TBC1D22A: variants seen among roughly 807,000 people sequenced by gnomAD.
TBC1D22A encodes putative GTPase activator.
In TBC1D22A, 38 loss-of-function variants were observed where a neutral mutation model predicts 60.2. The observed-to-expected ratio is 0.63, with a 90% confidence interval of 0.49 to 0.83. TBC1D22A has a LOEUF of 0.83. TBC1D22A is among the 40% of genes least tolerant of loss of function. TBC1D22A has a pLI of 0.00. For missense variants in TBC1D22A, 628 were observed against 701.0 expected (o/e 0.90, Z 1.18); for synonymous variants, 302 against 281.7 (o/e 1.07, Z -0.72).
chr22:47,096,815 C>G (rs556593361), intron 11 of TBC1D22A, among the ~76,000 whole-genome samples: 45 of 152,226 alleles, frequency 3.0e-4, no homozygotes, highest in East Asian at 1.9e-4. Context: ...GAGCGAGACT[C>G]TGTCTCAAAA....
In TBC1D22A at chr22:47,041,368, TC is replaced by T. The variant is rs1167043671; in HGVS notation, c.1329+4173del. ...TCATTCCTCTACCATTTGCTTCCTCTCCCGAGGGTCAGAGCCGCCTCACACC... is the reference window on the plus strand; with the variant it reads ...TCATTCCTCTACCATTTGCTTCCTCTCCGAGGGTCAGAGCCGCCTCACACC... On this transcript the variant is annotated intron_variant, in intron 11 of 12. Transcript: ENST00000337137. Among the ~76,000 whole-genome samples, 4 of 152,274 alleles carry T rather than the reference TC, an allele frequency of 2.6e-5. No individual in the cohort carries two copies. The East Asian group carries it at 7.7e-4, about 29-fold the overall frequency.
At chr22:47,055,189 G>T (rs546016299) in intron 11 of TBC1D22A, among the ~76,000 whole-genome samples, 1 of 152,366 alleles carries the variant, frequency 6.6e-6, no homozygotes, top group Non-Finnish European at 1.5e-5. Flanking sequence ...CCCTGCTTGG[G>T]GCTCTGCCCC....
rs561746997 is a variant in TBC1D22A, at chr22:46,797,485, C to T, written c.502C>T (p.Leu168Phe). The T allele has an allele frequency of 3.7e-6, 6 of 1,613,694 alleles. No homozygotes were observed. The East Asian group carries it at 1.1e-4, about 30-fold the overall frequency. The change falls in exon 4 of 13, where the codon CTC (leucine) becomes TTC (phenylalanine). Residue 168 changes from leucine (L) to phenylalanine (F), a missense_variant. Physicochemically the swap from Leu to Phe is conservative, Grantham distance 22. Coordinates refer to ENST00000337137, the MANE Select transcript of TBC1D22A (RefSeq NM_014346.5). ...DAAPLQRSQS[L>F]PHSATVTLGG... ...CGCCCCTCTGCAGAGGTCCCAGTCT[C>T]TCCCACACTCGGCCACCGTCACGCT...
intron 5 of TBC1D22A, among the ~76,000 whole-genome samples, chr22:46,889,565 A>G (rs2068287367): frequency 1.3e-5 from 2 of 152,254 alleles, no homozygotes; most frequent in Non-Finnish European, 2.9e-5. Flanking sequence ...CTGTGCAGGA[A>G]TATAACAAAC....
rs564435423 is a variant in TBC1D22A, at chr22:46,905,290, G to A, written c.901-6784G>A. 1.5e-4 allele frequency among the ~76,000 whole-genome samples: 23 copies of A among 152,350 alleles called. 1 individual carries two copies. The South Asian group carries it at 4.8e-3, about 32-fold the overall frequency. On this transcript the variant is annotated intron_variant, in intron 7 of 12. Coordinates refer to ENST00000337137, the MANE Select transcript of TBC1D22A (RefSeq NM_014346.5). ...AAGGAATGAGGCAGTGAAAACAACA[G>A]CAAGCAGCAAGGAAAGGGAAGCCTG...
chr22:46,875,364 C>T (rs1209070851), intron 4 of TBC1D22A, among the ~76,000 whole-genome samples: 3 of 152,116 alleles, frequency 2.0e-5, no homozygotes, highest in Non-Finnish European at 2.9e-5. Context: ...TGATAGATAC[C>T]AGAAGGCAGT....
At chr22:46,886,914 G>A (rs997359019) in intron 5 of TBC1D22A, among the ~76,000 whole-genome samples, 3 of 152,294 alleles carry the variant, frequency 2.0e-5, no homozygotes, top group South Asian at 4.1e-4. Flanking sequence ...AATAGGTGGT[G>A]GGCCGTAGTT....
intron 12 of TBC1D22A, among the ~76,000 whole-genome samples, chr22:47,120,036 A>G (rs776863007): frequency 3.3e-5 from 5 of 152,180 alleles, no homozygotes; most frequent in Non-Finnish European, 7.3e-5. Context: ...CCATAAAAAT[A>G]CCACTGGAAT....
intron 8 of TBC1D22A, among the ~76,000 whole-genome samples, chr22:46,941,555 G>T (rs1385625355): frequency 4.2e-5 from 6 of 144,230 alleles, no homozygotes. Context: ...TATATACAGG[G>T]AATATATATA....
chr22:46,950,565 C>T (rs1330694601), intron 8 of TBC1D22A, among the ~76,000 whole-genome samples: 21 of 152,162 alleles, frequency 1.4e-4, no homozygotes, highest in Non-Finnish European at 5.9e-5. Context: ...ACTTTCCTGC[C>T]TGAGGTCAGA....
intron 11 of TBC1D22A, among the ~76,000 whole-genome samples, chr22:47,064,191 G>T (rs934891381): frequency 6.6e-6 from 1 of 152,228 alleles, no homozygotes; most frequent in Non-Finnish European, 1.5e-5. Context: ...CCGGGGAGCC[G>T]CTGCCGGCAC....
chr22:47,168,871 G>C (rs2068313137), intron 12 of TBC1D22A, among the ~76,000 whole-genome samples: 1 of 152,212 alleles, frequency 6.6e-6, no homozygotes, highest in Non-Finnish European at 1.5e-5. Flanking sequence ...GGCGATATCT[G>C]CTCTTCAGTG....
chr22:46,843,966 G>C (rs976969582), intron 4 of TBC1D22A, among the ~76,000 whole-genome samples: 15 of 151,890 alleles, frequency 9.9e-5, no homozygotes, highest in African/African-American at 3.6e-4. Context: ...TTTGGGATGG[G>C]GTCAGGACAT....
At chr22:46,929,699 GGTGTGT>G (rs3084314) in intron 8 of TBC1D22A, among the ~76,000 whole-genome samples, 116,417 of 151,266 alleles carry the variant, frequency 0.77, 44,893 homozygotes, top group Middle Eastern at 0.85. Context: ...CAAAGACAAG[GGTGTGT>G]GTGTGTGTGT....
At chr22:47,130,576 CTGA>C (rs1157940359) in intron 12 of TBC1D22A, among the ~76,000 whole-genome samples, 5 of 152,332 alleles carry the variant, frequency 3.3e-5, no homozygotes, top group African/African-American at 1.2e-4. Context: ...AGCATTGCTT[CTGA>C]GAGATTCGCT....
chr22:47,111,426 C>T (rs1043850571), intron 11 of TBC1D22A, 82 bp from the exon 12 acceptor site: 19 of 1,307,862 alleles, frequency 1.5e-5, no homozygotes, highest in Non-Finnish European at 2.1e-5. Flanking sequence ...CTAGATAAAC[C>T]CTGACTGTCG....
chr22:46,817,284 T>TAAA (rs371130663), intron 4 of TBC1D22A, among the ~76,000 whole-genome samples: 1 of 151,482 alleles, frequency 6.6e-6, no homozygotes, highest in African/African-American at 2.4e-5. Flanking sequence ...TTATTCCTTC[T>TAAA]AAAAAAAATC....
chr22:47,133,587 G>A (rs545955662), intron 12 of TBC1D22A, among the ~76,000 whole-genome samples: 26 of 152,308 alleles, frequency 1.7e-4, no homozygotes, highest in African/African-American at 5.5e-4. Flanking sequence ...GTGGCTTTTC[G>A]ACATTCGTTT....
chr22:46,778,055 C>T (rs2083776409), intron 1 of TBC1D22A, among the ~76,000 whole-genome samples: 1 of 152,146 alleles, frequency 6.6e-6, no homozygotes, highest in African/African-American at 2.4e-5. Context: ...AAATATGGAG[C>T]AGGTATAGTA....
Sources: gnomAD v4.1 joint callset for allele counts (sites outside exome capture counted in the v4.1 genomes callset) on GRCh38, gnomAD v4.1.1 for gene constraint, MANE v1.5 for transcripts, NCBI Gene and HGNC (gene_info 2026-07-23, HGNC 2026-07-21) for gene names.